Variants in NOL4L observed in about 807,000 individuals in gnomAD.
The protein encoded by NOL4L is nucleolar protein 4 like.
A neutral mutation model predicts 64.5 loss-of-function variants in NOL4L; 7 were observed. That is an observed-to-expected ratio of 0.11 (90% CI 0.06 to 0.20). The LOEUF (loss-of-function observed/expected upper bound fraction) is 0.20, where lower values mean the gene tolerates loss of function less well. NOL4L is among the 10% of genes least tolerant of loss of function. The pLI, the probability that NOL4L is intolerant of heterozygous loss-of-function variation, is 1.00. For synonymous variants in NOL4L, 413 were observed against 401.0 expected, an observed-to-expected ratio of 1.03 and a Z score of -0.36; for missense variants, 680 against 967.1, an observed-to-expected ratio of 0.70 and a Z score of 3.94.
intron 5 of NOL4L, among the ~76,000 whole-genome samples, chr20:32,472,328 C>G (rs1431347580): frequency 6.6e-6 from 1 of 152,238 alleles, no homozygotes; most frequent in East Asian, 1.9e-4. Context: ...CAGACTTCCA[C>G]GAAGGACGGA....
At chr20:32,531,079 A>G (rs1165082848) in intron 1 of NOL4L, among the ~76,000 whole-genome samples, 2 of 152,260 alleles carry the variant, frequency 1.3e-5, no homozygotes, top group East Asian at 1.9e-4. Flanking sequence ...AGAATGTACC[A>G]TCTTTACCAT....
At chr20:32,495,337 G>A (rs1013388203) in intron 4 of NOL4L, among the ~76,000 whole-genome samples, 4 of 152,240 alleles carry the variant, frequency 2.6e-5, no homozygotes, top group African/African-American at 7.2e-5. Flanking sequence ...CTGTCGAGGA[G>A]GCTGCTTGTG....
At chr20:32,576,262 C>T (rs888905399) in intron 1 of NOL4L, among the ~76,000 whole-genome samples, 4 of 152,020 alleles carry the variant, frequency 2.6e-5, no homozygotes, top group East Asian at 1.9e-4. Context: ...CAGGGGGCCC[C>T]GGGGAGAGGC....
chr20:32,569,527 C>T (rs1188672478), intron 1 of NOL4L, among the ~76,000 whole-genome samples: 1 of 152,140 alleles, frequency 6.6e-6, no homozygotes, highest in African/African-American at 2.4e-5. Flanking sequence ...CCTTGCACTC[C>T]CGCACTCCCT....
intron 4 of NOL4L, chr20:32,486,936 A>G: frequency 2.8e-6 from 1 of 352,034 alleles, no homozygotes; most frequent in Admixed American, 4.0e-5. Flanking sequence ...TCTACAAAAC[A>G]TTCATTGTCA....
chr20:32,552,976 A>G (rs1224266036), intron 1 of NOL4L, among the ~76,000 whole-genome samples: 1 of 152,184 alleles, frequency 6.6e-6, no homozygotes, highest in Non-Finnish European at 1.5e-5. Flanking sequence ...GCCCTCAGCC[A>G]GAGGATGAGC....
At chr20:32,490,675 A>T (rs570697695) in intron 4 of NOL4L, among the ~76,000 whole-genome samples, 1 of 152,322 alleles carries the variant, frequency 6.6e-6, no homozygotes, top group South Asian at 2.1e-4. Context: ...TTCCATTACG[A>T]ATACAACTAA....
intron 1 of NOL4L, among the ~76,000 whole-genome samples, chr20:32,583,661 C>G (rs1484214210): frequency 6.7e-6 from 1 of 149,574 alleles, no homozygotes; most frequent in East Asian, 2.0e-4. Flanking sequence ...CCCCCCAGCC[C>G]CCACCCTCTG....
chr20:32,499,738 C>CAAAAAAAA (rs10692885), intron 4 of NOL4L, among the ~76,000 whole-genome samples: 958 of 51,264 alleles, frequency 0.019, 28 homozygotes, highest in African/African-American at 0.045. Flanking sequence ...GACCTTGTCT[C>CAAAAAAAA]AAAAAAAAAA....
chr20:32,529,105 G>A (rs1255132945), intron 1 of NOL4L, among the ~76,000 whole-genome samples: 1 of 152,190 alleles, frequency 6.6e-6, no homozygotes, highest in African/African-American at 2.4e-5. Flanking sequence ...GGTCATAAGT[G>A]GCAGCTGGGC....
At chr20:32,533,291 C>A (rs538677374) in intron 1 of NOL4L, 1 of 152,330 alleles carries the variant, frequency 6.6e-6, no homozygotes, top group Admixed American at 6.5e-5. Flanking sequence ...CAAAATATTA[C>A]AGCAATGGTC....
chr20:32,551,311 G>A (rs1244643920), intron 1 of NOL4L, among the ~76,000 whole-genome samples: 1 of 151,938 alleles, frequency 6.6e-6, no homozygotes, highest in Admixed American at 6.6e-5. Context: ...AGGAGGCGGA[G>A]GTTGCAGTGA....
In NOL4L at chr20:32,452,276, C is replaced by T. The variant is rs2012993721; in HGVS notation, c.1782G>A (p.Leu594=). The part of the protein sequence containing the change: ...YRGYGALSSN[L]QPPASLQTGN... ...CTGTTTGGAGGGAGGCAGGGGGCTG[C>T]AGGTTGCTGCTCAAGGCCCCGTACC... The change falls in exon 10 of 11, where the codon CTG becomes CTA. Residue 594 remains leucine (L), a synonymous_variant. Coordinates refer to ENST00000621426, the MANE Select transcript of NOL4L (RefSeq NM_001256798.2). 1.3e-6 allele frequency: 2 copies of T among 1,592,186 alleles called. No individual in the cohort carries two copies. The highest frequency in any genetic ancestry group is 1.7e-6 in the Non-Finnish European group (2 of 1,167,472).
chr20:32,520,643 G>C (rs1005765851), intron 3 of NOL4L, among the ~76,000 whole-genome samples, 168 bp downstream of exon 3: 1 of 152,190 alleles, frequency 6.6e-6, no homozygotes, highest in Non-Finnish European at 1.5e-5. Context: ...AAAGTTAAAC[G>C]AAACAAAACA....
intron 1 of NOL4L, among the ~76,000 whole-genome samples, chr20:32,539,817 C>G (rs2018621759): frequency 2.0e-5 from 3 of 152,274 alleles, no homozygotes; most frequent in Admixed American, 2.0e-4. Flanking sequence ...GACCGCCCAC[C>G]CATCATTCCA....
At chr20:32,483,607 G>A (rs1600725660) in intron 4 of NOL4L, 1 of 333,820 alleles carries the variant, frequency 3.0e-6, no homozygotes, top group Non-Finnish European at 3.7e-6. Flanking sequence ...GGGGGAGGGG[G>A]CACCGGGCAC....
At chr20:32,503,373 C>T (rs1257862488) in intron 4 of NOL4L, among the ~76,000 whole-genome samples, 1 of 152,120 alleles carries the variant, frequency 6.6e-6, no homozygotes, top group Non-Finnish European at 1.5e-5. Context: ...AGGAAAGAAG[C>T]CAGAAGCGGA....
chr20:32,447,450 T>G lies in NOL4L; in HGVS notation c.*146A>C. 1.7e-6 allele frequency: 1 copy of G among 575,498 alleles called. No homozygotes were observed. Among genetic ancestry groups the G allele is most frequent in the Non-Finnish European group, 2.8e-6 (1 of 362,810 alleles). 35.6% of individuals were successfully genotyped at this position (575,498 alleles called of 1,614,324 possible). ...AAAAAGTGTCCTTGTGCCCAAAGTCTCAGGTGCTTGGAGTGTGGCTAGAAA... is the reference window on the plus strand; with the variant it reads ...AAAAAGTGTCCTTGTGCCCAAAGTCGCAGGTGCTTGGAGTGTGGCTAGAAA... On this transcript the variant is annotated 3_prime_UTR_variant, in exon 11 of 11. Transcript: ENST00000621426.
At chr20:32,488,799 CT>C (rs1240514809) in intron 4 of NOL4L, among the ~76,000 whole-genome samples, 6 of 36,530 alleles carry the variant, frequency 1.6e-4, no homozygotes, top group East Asian at 3.1e-3. Context: ...TCCTTTCTTT[CT>C]TTCTTTTTCT....
Sources: allele counts gnomAD v4.1 joint callset (sites outside exome capture counted in the v4.1 genomes callset), GRCh38; gene constraint gnomAD v4.1.1; transcripts MANE v1.5; gene names NCBI Gene and HGNC (gene_info 2026-07-23, HGNC 2026-07-21).